Variants in APBA1 observed in about 807,000 individuals in gnomAD.
APBA1 encodes amyloid-beta A4 precursor protein-binding family A member 1.
In APBA1, 55 loss-of-function variants were observed where a neutral mutation model predicts 86.6. The ratio of observed to expected loss-of-function variants is 0.64; its 90% CI spans 0.51 to 0.80. APBA1 has a LOEUF of 0.80. Among genes scored for constraint, APBA1 ranks in the 30% least tolerant of loss-of-function variants. APBA1 has a pLI of 0.00. For synonymous variants in APBA1, 511 were observed against 493.9 expected, an observed-to-expected ratio of 1.03 and a Z score of -0.46; for missense variants, 1,090 against 1,183.0, an observed-to-expected ratio of 0.92 and a Z score of 1.15.
chr9:69,563,007 T>C (rs1404381973), intron 1 of APBA1, among the ~76,000 whole-genome samples: 2 of 152,254 alleles, frequency 1.3e-5, no homozygotes, highest in African/African-American at 4.8e-5. Flanking sequence ...ACTGTTTTTC[T>C]AAATCTTGAA....
chr9:69,517,321 C>T, intron 1 of APBA1, 42 bp from the exon 2 acceptor site: 2 of 1,391,342 alleles, frequency 1.4e-6, no homozygotes, highest in Non-Finnish European at 1.9e-6. Context: ...GTGGTGCAAA[C>T]AGTCGTTATG....
intron 1 of APBA1, among the ~76,000 whole-genome samples, chr9:69,621,654 G>T (rs1822819873): frequency 6.6e-6 from 1 of 151,644 alleles, no homozygotes; most frequent in Non-Finnish European, 1.5e-5. Flanking sequence ...ATTCACAACA[G>T]CAGTTGTGGG....
intron 1 of APBA1, among the ~76,000 whole-genome samples, chr9:69,642,367 C>T (rs12339792): frequency 1.1e-3 from 174 of 152,294 alleles, no homozygotes; most frequent in African/African-American, 4.0e-3. Flanking sequence ...TAAAAAGACA[C>T]TCAACATCAT....
chr9:69,531,181 C>T (rs762180666), intron 1 of APBA1, among the ~76,000 whole-genome samples: 6 of 152,128 alleles, frequency 3.9e-5, no homozygotes, highest in Admixed American at 1.3e-4. Context: ...AGCCCCACTT[C>T]GAGTTTGACA....
intron 1 of APBA1, among the ~76,000 whole-genome samples, chr9:69,519,124 G>A (rs534306630): frequency 6.6e-6 from 1 of 152,358 alleles, no homozygotes; most frequent in South Asian, 2.1e-4. Context: ...TGTGGACTAA[G>A]TATAAGAAAG....
At chr9:69,643,440 G>A (rs1823328505) in intron 1 of APBA1, among the ~76,000 whole-genome samples, 1 of 152,180 alleles carries the variant, frequency 6.6e-6, no homozygotes, top group African/African-American at 2.4e-5. Flanking sequence ...TAGAATTCAA[G>A]AGCATGAAGT....
chr9:69,468,781 C>T (rs946414103), intron 4 of APBA1, among the ~76,000 whole-genome samples: 3 of 152,222 alleles, frequency 2.0e-5, no homozygotes, highest in Non-Finnish European at 2.9e-5. Context: ...GAAATTAAAA[C>T]GTGTCTGTGA....
chr9:69,611,951 T>C (rs1440212831), intron 1 of APBA1, among the ~76,000 whole-genome samples: 4 of 152,202 alleles, frequency 2.6e-5, no homozygotes, highest in South Asian at 2.1e-4. Flanking sequence ...AATTTGTTGA[T>C]AAAATAAAAA....
intron 2 of APBA1, among the ~76,000 whole-genome samples, chr9:69,482,642 T>A (rs1835533679): frequency 6.6e-6 from 1 of 151,470 alleles, no homozygotes; most frequent in African/African-American, 2.4e-5. Context: ...CAAAGGACTA[T>A]AAATCATGCT....
chr9:69,615,966 C>A (rs375859777), intron 1 of APBA1, among the ~76,000 whole-genome samples: 3 of 152,140 alleles, frequency 2.0e-5, no homozygotes, highest in Non-Finnish European at 4.4e-5. Flanking sequence ...ATGCTGTGGG[C>A]AGCTTTTCCC....
Position 69,564,629 on chromosome 9 carries a change from C to CT in APBA1, c.-69-47351dup, listed in dbSNP as rs1836997261. On this transcript the variant is annotated intron_variant, in intron 1 of 12. Transcript: ENST00000265381. ...GGGAGTAAAGAAGTAGGAGACATCA[C>CT]TTCACACCCATTAGGATGGCTATTA... Among the ~76,000 whole-genome samples, 3 of 152,176 alleles carry CT rather than the reference C, an allele frequency of 2.0e-5. No individual in the cohort carries two copies. In the South Asian group the frequency reaches 6.2e-4, roughly 32 times the overall value.
chr9:69,517,108 C>T lies in APBA1; in HGVS notation c.103G>A (p.Glu35Lys). The T allele has an allele frequency of 1.9e-6, 3 of 1,577,172 alleles. No individual in the cohort carries two copies. Among genetic ancestry groups the T allele is most frequent in the Admixed American group, 1.8e-5 (1 of 55,242 alleles). The change falls in exon 2 of 13, where the codon GAA (glutamate) becomes AAA (lysine). Residue 35 changes from glutamate (E) to lysine (K), a missense_variant. Around this residue, in one of 6 missense-constraint regions of APBA1, gnomAD observed 678 missense variants for 647.1 expected, o/e 1.05. Transcript: ENST00000265381. ...TGCGGCGGCTGCTGCTGTTCCTCTT[C>T]CACCTCGGGGTGCTCCAGGTCGGCC... ...VEADLEHPEV[E>K]EEQQQPPQQQ... is the part of the protein sequence containing the mutation.
In APBA1 at chr9:69,485,965, T is replaced by C. The variant is rs182790882; in HGVS notation, c.1201-9822A>G. On this transcript the variant is annotated intron_variant, in intron 2 of 12. Transcript: ENST00000265381. ...ATCATTCATTTTAATTCTTTTTTTT[T>C]TTTGAGACAGAGTTTCACTCTTTTT... Among the ~76,000 whole-genome samples the C allele has an allele frequency of 2.4e-3, 364 of 152,158 alleles. 2 individuals carry two copies. Among genetic ancestry groups the C allele is most frequent in the African/African-American group, 8.2e-3 (341 of 41,518 alleles).
intron 2 of APBA1, among the ~76,000 whole-genome samples, chr9:69,503,492 C>T (rs1835908913): frequency 6.6e-6 from 1 of 152,002 alleles, no homozygotes; most frequent in African/African-American, 2.4e-5. Flanking sequence ...CACCCTCATC[C>T]TCTCAATATT....
intron 2 of APBA1, among the ~76,000 whole-genome samples, chr9:69,493,344 C>G (rs1045403352): frequency 6.6e-6 from 1 of 152,062 alleles, no homozygotes; most frequent in African/African-American, 2.4e-5. Context: ...ATATCACCTG[C>G]GTTTCTGCTC....
At chr9:69,586,888 A>T (rs1017111067) in intron 1 of APBA1, among the ~76,000 whole-genome samples, 1 of 152,240 alleles carries the variant, frequency 6.6e-6, no homozygotes, top group Non-Finnish European at 1.5e-5. Context: ...AAAAAAATTC[A>T]GCCTAAAGTA....
At chr9:69,484,649 C>T (rs1049797836) in intron 2 of APBA1, among the ~76,000 whole-genome samples, 1 of 152,138 alleles carries the variant, frequency 6.6e-6, no homozygotes, top group East Asian at 1.9e-4. Context: ...TCCACAGCCA[C>T]GTGCCATGCT....
intron 1 of APBA1, among the ~76,000 whole-genome samples, chr9:69,519,419 A>T (rs1371106147): frequency 6.6e-6 from 1 of 152,262 alleles, no homozygotes; most frequent in Non-Finnish European, 1.5e-5. Context: ...TAAGAAACAC[A>T]AAACAAATAT....
chr9:69,634,685 T>G (rs976874902), intron 1 of APBA1, among the ~76,000 whole-genome samples: 2 of 151,630 alleles, frequency 1.3e-5, no homozygotes, highest in Admixed American at 1.3e-4. Context: ...ATAATCAAAC[T>G]CCCAAAGGTC....
Sources: gnomAD v4.1 joint callset for allele counts (sites outside exome capture counted in the v4.1 genomes callset) on GRCh38, gnomAD v4.1.1 for gene constraint, gnomAD v4.1.1 regional missense constraint, MANE v1.5 for transcripts, NCBI Gene and HGNC (gene_info 2026-07-23, HGNC 2026-07-21) for gene names.